The following RANBP9 variants were observed in gnomAD, a reference collection of about 807,000 sequenced individuals.
RANBP9 encodes the protein ran-binding protein 9.
Under a neutral mutation model 84.3 loss-of-function variants are expected in RANBP9, and 15 were observed. The ratio of observed to expected loss-of-function variants is 0.18; its 90% confidence interval spans 0.12 to 0.27. The LOEUF (loss-of-function observed/expected upper bound fraction) is 0.27, where lower values mean the gene tolerates loss of function less well. RANBP9 is among the 10% of genes least tolerant of loss of function. The pLI is 1.00. For synonymous variants in RANBP9, 392 were observed against 349.6 expected (o/e 1.12, Z -1.35); for missense variants, 809 against 912.8 (o/e 0.89, Z 1.46).
In RANBP9 at chr6:13,631,896, A is replaced by G. The variant is rs550657987; in HGVS notation, c.1947+474T>C. 7.9e-5 allele frequency among the ~76,000 whole-genome samples: 12 copies of G among 152,298 alleles called. No individual in the cohort carries two copies. The South Asian group carries it at 1.0e-3, about 13-fold the overall frequency. On this transcript the variant is annotated intron_variant, in intron 12 of 13. Transcript: ENST00000011619. ...TATTCTGGCCATGAAAAGTGACCCAATTCTTCACTAATTCCCATCAAAATG... is the reference window on the plus strand; with the variant it reads ...TATTCTGGCCATGAAAAGTGACCCAGTTCTTCACTAATTCCCATCAAAATG...
rs189925019 is a variant in RANBP9 at position 13,674,408 on chromosome 6, G to A, written c.684-15576C>T. Among the ~76,000 whole-genome samples the A allele has an allele frequency of 4.0e-3, 607 of 152,102 alleles. 1 individual carries two copies. The highest frequency in any genetic ancestry group is 6.1e-3 in the Non-Finnish European group (412 of 67,966). On this transcript the variant is annotated intron_variant, in intron 2 of 13. Coordinates refer to ENST00000011619, the MANE Select transcript of RANBP9 (RefSeq NM_005493.3). ...AGAATTCAGAACAAGGAAAATTATC[G>A]GAGAAAAACAGGAATAGTACATAAT...
chr6:13,638,905 C>A (rs930943195), intron 9 of RANBP9, among the ~76,000 whole-genome samples: 1 of 152,052 alleles, frequency 6.6e-6, no homozygotes, highest in African/African-American at 2.4e-5. Context: ...GATGTGGTAA[C>A]CAGTGGCATA....
At chr6:13,707,935 T>C (rs1758169666) in intron 1 of RANBP9, among the ~76,000 whole-genome samples, 1 of 152,226 alleles carries the variant, frequency 6.6e-6, no homozygotes, top group Non-Finnish European at 1.5e-5. Flanking sequence ...GGTTTTTCAA[T>C]AGTTGTTGTG....
chr6:13,710,235 T>C (rs1158413637), intron 1 of RANBP9, among the ~76,000 whole-genome samples: 3 of 152,196 alleles, frequency 2.0e-5, no homozygotes, highest in Non-Finnish European at 4.4e-5. Context: ...TGTTCCATCT[T>C]CGTTTTCAAC....
chr6:13,695,412 T>TTG (rs1766421493), intron 2 of RANBP9, among the ~76,000 whole-genome samples: 1 of 150,802 alleles, frequency 6.6e-6, no homozygotes, highest in Non-Finnish European at 1.5e-5. Flanking sequence ...TTTTTTTTTT[T>TTG]TTTTTTTTTT....
chr6:13,669,747 C>G (rs1419647441), intron 2 of RANBP9, among the ~76,000 whole-genome samples: 1 of 152,106 alleles, frequency 6.6e-6, no homozygotes, highest in Non-Finnish European at 1.5e-5. Context: ...TGCCACCATG[C>G]CTGGCTAACT....
chr6:13,650,166 G>GTTTTTTTT (rs749352241), intron 5 of RANBP9, among the ~76,000 whole-genome samples: 3 of 130,860 alleles, frequency 2.3e-5, no homozygotes, highest in Non-Finnish European at 1.7e-5. Flanking sequence ...GTGTTTTTTT[G>GTTTTTTTT]TTTTTTTTTT....
intron 2 of RANBP9, among the ~76,000 whole-genome samples, chr6:13,680,957 C>G (rs913299127): frequency 6.6e-6 from 1 of 151,946 alleles, no homozygotes; most frequent in Non-Finnish European, 1.5e-5. Flanking sequence ...GGGATAAGGT[C>G]TGATGATGAG....
At chr6:13,648,138 CT>C (rs1424245996) in intron 5 of RANBP9, among the ~76,000 whole-genome samples, 1 of 132,308 alleles carries the variant, frequency 7.6e-6, no homozygotes, top group African/African-American at 2.7e-5. Flanking sequence ...TCTTATATGA[CT>C]GGTTTTTTTT....
At chr6:13,638,905 C>T (rs930943195) in intron 9 of RANBP9, among the ~76,000 whole-genome samples, 1 of 152,052 alleles carries the variant, frequency 6.6e-6, no homozygotes, top group Non-Finnish European at 1.5e-5. Flanking sequence ...GATGTGGTAA[C>T]CAGTGGCATA....
intron 2 of RANBP9, among the ~76,000 whole-genome samples, chr6:13,669,039 C>A (rs935752774): frequency 2.2e-4 from 34 of 151,638 alleles, no homozygotes; most frequent in African/African-American, 7.8e-4. Context: ...AACAAGACTA[C>A]AAGATACAAG....
At chr6:13,630,450 A>G (rs1764746531) in intron 12 of RANBP9, among the ~76,000 whole-genome samples, 3 of 152,102 alleles carry the variant, frequency 2.0e-5, no homozygotes, top group Admixed American at 1.3e-4. Flanking sequence ...ATCCTGCTCA[A>G]TTAGCATAAA....
intron 1 of RANBP9, among the ~76,000 whole-genome samples, chr6:13,709,682 A>C (rs754465139): frequency 1.5e-4 from 23 of 152,246 alleles, no homozygotes; most frequent in Non-Finnish European, 2.5e-4. Flanking sequence ...GAATAAAAAG[A>C]ATGTTCAACA....
chr6:13,663,414 TA>T (rs1765577596), intron 2 of RANBP9, among the ~76,000 whole-genome samples: 1 of 151,998 alleles, frequency 6.6e-6, no homozygotes, highest in Non-Finnish European at 1.5e-5. Context: ...AACCTACACT[TA>T]AAAAAATGCT....
rs559495110 is a variant in RANBP9, at chr6:13,686,972, T to A, written c.683+9813A>T. Among the ~76,000 whole-genome samples the A allele has an allele frequency of 1.1e-4, 17 of 152,346 alleles. No homozygotes were observed. In the South Asian group the frequency reaches 2.1e-3, roughly 19 times the overall value. ...CTGAAAACACCTAGGATCTGCCTTC[T>A]AATTCTCTGACCATTCTTTTATAGA... On this transcript the variant is annotated intron_variant, in intron 2 of 13. Transcript: ENST00000011619.
intron 6 of RANBP9, among the ~76,000 whole-genome samples, chr6:13,643,974 A>T (rs1004172730): frequency 1.3e-5 from 2 of 152,174 alleles, no homozygotes; most frequent in Non-Finnish European, 2.9e-5. Flanking sequence ...TTAAAGATGA[A>T]ATGTGTTGGA....
At chr6:13,625,274 C>T (rs1009288448) in intron 13 of RANBP9, among the ~76,000 whole-genome samples, 14 of 152,108 alleles carry the variant, frequency 9.2e-5, no homozygotes, top group African/African-American at 3.1e-4. Context: ...GCAGAAAATG[C>T]CTTTCACTAA....
chr6:13,692,801 C>G (rs1019739752), intron 2 of RANBP9, among the ~76,000 whole-genome samples: 2 of 150,794 alleles, frequency 1.3e-5, no homozygotes, highest in Non-Finnish European at 3.0e-5. Context: ...TACAGTGAGC[C>G]AAGATCGTGC....
Position 13,638,048 on chromosome 6 carries a change from T to A in RANBP9, c.1526-93A>T. 2.5e-6 allele frequency: 3 copies of A among 1,197,724 alleles called. No homozygotes were observed. The East Asian group carries it at 7.8e-5, about 31-fold the overall frequency. 74.2% of individuals were successfully genotyped at this position (1,197,724 alleles called of 1,614,324 possible). A position where few individuals can be genotyped will look rare whatever the true frequency, so the allele number is the denominator to read the frequency against. ...CTCCATGTTGATTTTGTACTAAGAC[T>A]TCTAGAACGTAGGAGAGTCAATGGA... On this transcript the variant is annotated intron_variant, in intron 9 of 13. Transcript: ENST00000011619.
Sources: allele counts gnomAD v4.1 joint callset (sites outside exome capture counted in the v4.1 genomes callset), GRCh38; gene constraint gnomAD v4.1.1; transcripts MANE v1.5; gene names NCBI Gene and HGNC (gene_info 2026-07-23, HGNC 2026-07-21).